Variants in EHBP1 observed in about 807,000 individuals in gnomAD.
EHBP1 encodes EH domain binding protein 1, also known as EH domain-binding protein 1.
Under a neutral mutation model 144.0 loss-of-function variants are expected in EHBP1, and 55 were observed. That is an observed-to-expected ratio of 0.38 (90% confidence interval 0.31 to 0.48). The LOEUF is 0.48. EHBP1 is among the 20% of genes least tolerant of loss of function. The pLI, the probability that EHBP1 is intolerant of heterozygous loss-of-function variation, is 0.98. For synonymous variants in EHBP1, 469 were observed against 472.7 expected, an observed-to-expected ratio of 0.99 and a Z score of 0.10; for missense variants, 1,200 against 1,364.2, an observed-to-expected ratio of 0.88 and a Z score of 1.90.
intron 2 of EHBP1, among the ~76,000 whole-genome samples, chr2:62,713,772 T>C (rs1419759787): frequency 6.6e-6 from 1 of 152,258 alleles, no homozygotes; most frequent in Non-Finnish European, 1.5e-5. Flanking sequence ...CAAAGGCATA[T>C]GATTTTAGCA....
rs767246545 is a variant in EHBP1, at chr2:62,948,527, G to A, written c.1681G>A (p.Glu561Lys). The A allele has an allele frequency of 3.1e-6, 5 of 1,614,132 alleles. No homozygotes were observed. The highest frequency in any genetic ancestry group is 1.1e-5 in the South Asian group (1 of 91,076). ...GCTTAGTGATCTGAAGCGGGAGCCT[G>A]AACTACAACAGCCTATCAGCGGAGC... ...AELSDLKREPELQQPISGAVD... is the reference protein window; with the variant it reads ...AELSDLKREPKLQQPISGAVD... Residue 561 changes from glutamate to lysine, a missense_variant, in exon 13 of 23, where the codon GAA (glutamate) becomes AAA (lysine). Around this residue, in one of 6 missense-constraint regions of EHBP1, gnomAD observed 543 missense variants for 513.1 expected, o/e 1.06. Coordinates refer to ENST00000431489, the MANE Select transcript of EHBP1 (RefSeq NM_001142616.3).
At chr2:62,741,549 CG>C (rs1012043072) in intron 2 of EHBP1, among the ~76,000 whole-genome samples, 20 of 152,184 alleles carry the variant, frequency 1.3e-4, no homozygotes, top group Middle Eastern at 6.8e-3. Flanking sequence ...TTAGTGTCAG[CG>C]TTTTTGTTGT....
intron 10 of EHBP1, among the ~76,000 whole-genome samples, chr2:62,922,894 C>T (rs927348167): frequency 3.3e-5 from 5 of 152,160 alleles, no homozygotes; most frequent in African/African-American, 9.7e-5. Flanking sequence ...CCCCCATTGC[C>T]ACTGCAAACA....
At chr2:62,689,539 G>A (rs1000961338) in intron 1 of EHBP1, among the ~76,000 whole-genome samples, 1 of 152,166 alleles carries the variant, frequency 6.6e-6, no homozygotes, top group African/African-American at 2.4e-5. Flanking sequence ...AGCTACCCGG[G>A]AGGCTGAGGC....
At chr2:62,688,329 C>T (rs1159304996) in intron 1 of EHBP1, among the ~76,000 whole-genome samples, 7 of 152,040 alleles carry the variant, frequency 4.6e-5, no homozygotes, top group African/African-American at 1.2e-4. Context: ...ATGTGTTGGA[C>T]ATTTATTTTA....
In EHBP1 at chr2:62,844,318, A is replaced by G. The variant is rs936054819; in HGVS notation, c.634+13160A>G. On this transcript the variant is annotated intron_variant, in intron 7 of 22. Transcript: ENST00000431489. ...ACAGACTCCCCTGCTAAATAGATAC[A>G]TATCTGGGGACTAGCTCTCAGGCAG... is the stretch of plus-strand genomic sequence containing the variant. Among the ~76,000 whole-genome samples the G allele has an allele frequency of 4.6e-5, 7 of 152,174 alleles. No homozygotes were observed. In the South Asian group the frequency reaches 6.2e-4, roughly 13 times the overall value.
At chr2:62,827,592 C>T (rs1274766358) in intron 6 of EHBP1, among the ~76,000 whole-genome samples, 1 of 152,120 alleles carries the variant, frequency 6.6e-6, no homozygotes, top group Non-Finnish European at 1.5e-5. Flanking sequence ...TCCTTCTTTG[C>T]CTGGTTACCT....
chr2:62,866,933 AAAC>A (rs1344733786), intron 9 of EHBP1, among the ~76,000 whole-genome samples: 5 of 152,172 alleles, frequency 3.3e-5, no homozygotes, highest in Non-Finnish European at 7.4e-5. Context: ...TTGTTAACAA[AAAC>A]AACTCAAGCC....
chr2:63,004,450 G>A (rs2059958994), intron 19 of EHBP1, among the ~76,000 whole-genome samples: 1 of 151,856 alleles, frequency 6.6e-6, no homozygotes, highest in Non-Finnish European at 1.5e-5. Context: ...CCACAATATG[G>A]TCTAATACCA....
intron 5 of EHBP1, among the ~76,000 whole-genome samples, chr2:62,797,442 T>C (rs2043617892): frequency 1.3e-5 from 2 of 152,224 alleles, no homozygotes; most frequent in African/African-American, 2.4e-5. Flanking sequence ...TGCTAGATAA[T>C]GTTCTCCAAG....
At chr2:62,773,630 C>T (rs1432549316) in intron 5 of EHBP1, among the ~76,000 whole-genome samples, 3 of 151,664 alleles carry the variant, frequency 2.0e-5, no homozygotes, top group Admixed American at 2.0e-4. Flanking sequence ...AGGCAGATTG[C>T]CTGAGGTCGG....
chr2:63,039,864 T>C (rs1297434449), intron 21 of EHBP1, among the ~76,000 whole-genome samples: 2 of 152,142 alleles, frequency 1.3e-5, no homozygotes, highest in Non-Finnish European at 2.9e-5. Context: ...AACATTTGTA[T>C]ATCCTCATTT....
At chr2:62,755,973 G>A (rs188702562) in intron 3 of EHBP1, among the ~76,000 whole-genome samples, 7 of 152,096 alleles carry the variant, frequency 4.6e-5, no homozygotes, top group Admixed American at 3.9e-4. Flanking sequence ...TTAGATTATA[G>A]GTCAATTAAG....
intron 20 of EHBP1, 113 bp from the exon 21 acceptor site, chr2:63,038,624 GCTTAAA>G (rs2061539433): frequency 9.9e-6 from 8 of 808,310 alleles, no homozygotes; most frequent in South Asian, 8.1e-5. Context: ...ATTTGGAGTG[GCTTAAA>G]CTTAAAGAGA....
Position 62,942,749 on chromosome 2 carries a change from G to T in EHBP1, c.1217G>T (p.Arg406Leu). The T allele has an allele frequency of 6.2e-7, 1 of 1,608,178 alleles. No individual in the cohort carries two copies. The highest frequency in any genetic ancestry group is 8.5e-7 in the Non-Finnish European group (1 of 1,176,342). Residue 406 changes from arginine to leucine, a missense_variant, in exon 11 of 23, where the codon CGA becomes CTA. This residue lies in a region of EHBP1 where 266 missense variants were observed against 262.4 expected (regional missense o/e 1.01). Coordinates refer to ENST00000431489, the MANE Select transcript of EHBP1 (RefSeq NM_001142616.3). ...PSPIPSPVLG[R>L]KPNASQSLLV... ...CCTATACCAAGTCCTGTTTTGGGGCGAAAGCCAAATGCTAGTCAGTCTTTG... is the reference window on the plus strand; with the variant it reads ...CCTATACCAAGTCCTGTTTTGGGGCTAAAGCCAAATGCTAGTCAGTCTTTG...
chr2:62,720,066 T>TG (rs2036073848), intron 2 of EHBP1, among the ~76,000 whole-genome samples: 2 of 152,338 alleles, frequency 1.3e-5, no homozygotes, highest in African/African-American at 4.8e-5. Context: ...TCCAATCTAA[T>TG]TCTCAAGTTT....
chr2:62,920,671 T>G (rs2055000551), intron 10 of EHBP1, among the ~76,000 whole-genome samples: 1 of 152,146 alleles, frequency 6.6e-6, no homozygotes. Flanking sequence ...TATTTTTTTT[T>G]TCTTTTTTTG....
chr2:62,798,456 GACTAGTAT>G (rs1191816900), intron 5 of EHBP1, among the ~76,000 whole-genome samples: 1 of 152,152 alleles, frequency 6.6e-6, no homozygotes, highest in East Asian at 1.9e-4. Context: ...CCTCTTTAGA[GACTAGTAT>G]ACTAGTTGTG....
rs141439445 is a variant in EHBP1 at position 62,937,703 on chromosome 2, G to A, written c.1186-5015G>A. 1.8e-3 allele frequency among the ~76,000 whole-genome samples: 267 copies of A among 152,284 alleles called. 1 individual carries two copies. The highest frequency in any genetic ancestry group is 6.8e-3 in the Middle Eastern group (2 of 294). ...GGAAGATATTTCATGTAGAGGTGATGATGTGTATGATCCAAGACTGGGTGG... is the reference window on the plus strand; with the variant it reads ...GGAAGATATTTCATGTAGAGGTGATAATGTGTATGATCCAAGACTGGGTGG... On this transcript the variant is annotated intron_variant, in intron 10 of 22. Transcript: ENST00000431489.
Sources: gnomAD v4.1 joint callset for allele counts (sites outside exome capture counted in the v4.1 genomes callset) on GRCh38, gnomAD v4.1.1 for gene constraint, gnomAD v4.1.1 regional missense constraint, MANE v1.5 for transcripts, NCBI Gene and HGNC (gene_info 2026-07-23, HGNC 2026-07-21) for gene names.